The following FTO variants were observed in gnomAD, a reference collection of about 807,000 sequenced individuals.
The protein encoded by FTO is alpha-ketoglutarate-dependent dioxygenase FTO.
FTO carries 47 observed loss-of-function variants against 63.9 expected under a neutral mutation model. The ratio of observed to expected loss-of-function variants is 0.74; its 90% CI spans 0.58 to 0.94. The LOEUF is 0.94. Among genes scored for constraint, FTO ranks in the 40% least tolerant of loss-of-function variants. The pLI is 0.00. For synonymous variants in FTO, 207 were observed against 224.4 expected, an observed-to-expected ratio of 0.92 and a Z score of 0.69; for missense variants, 562 against 618.1, an observed-to-expected ratio of 0.91 and a Z score of 0.96.
At chr16:53,755,887 C>A (rs1433913462) in intron 1 of FTO, among the ~76,000 whole-genome samples, 6 of 152,132 alleles carry the variant, frequency 3.9e-5, no homozygotes, top group African/African-American at 1.4e-4. Flanking sequence ...CTAAAAGGGG[C>A]CGGGCCTCTG....
chr16:53,861,771 T>A (rs1011950895), intron 4 of FTO, among the ~76,000 whole-genome samples: 2 of 152,212 alleles, frequency 1.3e-5, no homozygotes, highest in Non-Finnish European at 2.9e-5. Flanking sequence ...TTAAAAAAAA[T>A]TCTTGATTGT....
intron 8 of FTO, among the ~76,000 whole-genome samples, chr16:54,106,023 T>A (rs2086743119): frequency 6.6e-6 from 1 of 152,162 alleles, no homozygotes; most frequent in African/African-American, 2.4e-5. Flanking sequence ...AAGTATAATG[T>A]TAGTCATTTA....
chr16:54,001,050 C>T (rs1309987063), intron 8 of FTO, among the ~76,000 whole-genome samples: 1 of 152,142 alleles, frequency 6.6e-6, no homozygotes, highest in Non-Finnish European at 1.5e-5. Context: ...TTGGCTATTC[C>T]AAGACCTTTT....
At chr16:53,957,417 T>C (rs1290041547) in intron 8 of FTO, among the ~76,000 whole-genome samples, 2 of 152,238 alleles carry the variant, frequency 1.3e-5, no homozygotes, top group Non-Finnish European at 2.9e-5. Context: ...TGGTTCATTG[T>C]AGAACGCTAG....
intron 7 of FTO, among the ~76,000 whole-genome samples, chr16:53,928,088 A>T (rs1052925095): frequency 6.6e-6 from 1 of 152,224 alleles, no homozygotes; most frequent in Non-Finnish European, 1.5e-5. Context: ...ATTTGGAGTT[A>T]TGGGAAAGAC....
intron 8 of FTO, among the ~76,000 whole-genome samples, chr16:53,961,588 G>A (rs79755695): frequency 0.036 from 5,422 of 152,262 alleles, 129 homozygotes; most frequent in Non-Finnish European, 0.053. Flanking sequence ...TTGAAGCCTG[G>A]GAAGACAGAT....
chr16:53,838,424 C>T (rs1356438059), intron 3 of FTO, among the ~76,000 whole-genome samples: 1 of 152,026 alleles, frequency 6.6e-6, no homozygotes, highest in Non-Finnish European at 1.5e-5. Flanking sequence ...GATTCTCCTG[C>T]CTCAGCCTTC....
chr16:53,955,682 T>C (rs2082912774), intron 8 of FTO, among the ~76,000 whole-genome samples: 1 of 152,256 alleles, frequency 6.6e-6, no homozygotes, highest in Admixed American at 6.5e-5. Flanking sequence ...ACAGTTCCTC[T>C]AATCAAGGTT....
At chr16:53,767,892 A>G (rs759562343) in intron 1 of FTO, among the ~76,000 whole-genome samples, 1 of 152,224 alleles carries the variant, frequency 6.6e-6, no homozygotes, top group Non-Finnish European at 1.5e-5. Context: ...AATAAGATTA[A>G]TATATTTTTC....
chr16:53,747,525 AC>A (rs2076677078), intron 1 of FTO, among the ~76,000 whole-genome samples: 1 of 151,882 alleles, frequency 6.6e-6, no homozygotes, highest in Non-Finnish European at 1.5e-5. Context: ...CCATTTTTTA[AC>A]TGGGTTATTA....
intron 1 of FTO, among the ~76,000 whole-genome samples, chr16:53,727,364 A>G (rs539992786): frequency 3.2e-4 from 49 of 152,330 alleles, no homozygotes; most frequent in Admixed American, 5.9e-4. Flanking sequence ...TAGTGTTGCA[A>G]AGGGATGCAG....
rs139566704 is a variant in FTO at position 54,084,215 on chromosome 16, G to A, written c.1365-27547G>A. 1.7e-3 allele frequency among the ~76,000 whole-genome samples: 259 copies of A among 152,312 alleles called. 1 individual carries two copies. Among genetic ancestry groups the A allele is most frequent in the African/African-American group, 6.0e-3 (248 of 41,572 alleles). ...TGTTATTTAACCCTTCTGAGCTTCAGTTTCCTCATTAGTAAACTTTAAATG... is the reference window on the plus strand; with the variant it reads ...TGTTATTTAACCCTTCTGAGCTTCAATTTCCTCATTAGTAAACTTTAAATG... On this transcript the variant is annotated intron_variant, in intron 8 of 8. Coordinates refer to ENST00000471389, the MANE Select transcript of FTO (RefSeq NM_001080432.3).
chr16:53,917,798 G>C (rs1036798404), intron 7 of FTO, among the ~76,000 whole-genome samples: 2 of 151,640 alleles, frequency 1.3e-5, no homozygotes, highest in Non-Finnish European at 2.9e-5. Context: ...CGAGTAGCAG[G>C]TAGTTCTGAC....
At chr16:53,833,519 A>G (rs1192585056) in intron 3 of FTO, among the ~76,000 whole-genome samples, 1 of 152,226 alleles carries the variant, frequency 6.6e-6, no homozygotes, top group African/African-American at 2.4e-5. Flanking sequence ...CTGTATACAA[A>G]TATCTGTGGG....
intron 7 of FTO, among the ~76,000 whole-genome samples, chr16:53,913,904 T>G (rs764603872): frequency 8.7e-5 from 13 of 148,628 alleles, no homozygotes; most frequent in Admixed American, 3.4e-4. Flanking sequence ...GCTGGAACCC[T>G]GGGGGCGGAG....
chr16:53,965,883 T>C (rs1354853258), intron 8 of FTO: 4 of 152,064 alleles, frequency 2.6e-5, no homozygotes, highest in Admixed American at 6.5e-5. Flanking sequence ...TTTTTTTTTT[T>C]TTGAGTTAGA....
chr16:53,878,989 T>G (rs2080747222), intron 5 of FTO, among the ~76,000 whole-genome samples: 1 of 152,206 alleles, frequency 6.6e-6, no homozygotes, highest in Admixed American at 6.5e-5. Flanking sequence ...TTCTTTGCCT[T>G]GTGATTATAA....
chr16:53,738,672 A>G (rs550016939), intron 1 of FTO, among the ~76,000 whole-genome samples: 4 of 152,166 alleles, frequency 2.6e-5, no homozygotes, highest in South Asian at 2.1e-4. Context: ...GAACTGCCAA[A>G]CTGTTTTCCA....
intron 4 of FTO, among the ~76,000 whole-genome samples, chr16:53,853,040 C>T (rs2079859911): frequency 6.6e-6 from 1 of 152,176 alleles, no homozygotes; most frequent in Admixed American, 6.5e-5. Context: ...CGCCTGTAAT[C>T]CCAACACTTT....
Sources: gnomAD v4.1 joint callset for allele counts (sites outside exome capture counted in the v4.1 genomes callset) on GRCh38, gnomAD v4.1.1 for gene constraint, MANE v1.5 for transcripts, NCBI Gene and HGNC (gene_info 2026-07-23, HGNC 2026-07-21) for gene names.